The following LHFPL6 variants were observed in gnomAD, a reference collection of about 807,000 sequenced individuals.
The protein encoded by LHFPL6 is LHFPL tetraspan subfamily member 6 protein.
A neutral mutation model predicts 20.6 loss-of-function variants in LHFPL6; 9 were observed. The observed-to-expected ratio is 0.44, with a 90% confidence interval of 0.26 to 0.76. The LOEUF (loss-of-function observed/expected upper bound fraction) is 0.76, where lower values mean the gene tolerates loss of function less well. Ranked by LOEUF, LHFPL6 falls within the 30% of genes least tolerant of loss-of-function variation. The pLI is 0.20. For missense variants in LHFPL6, 218 were observed against 253.5 expected, an observed-to-expected ratio of 0.86 and a Z score of 0.95; for synonymous variants, 105 against 98.7, an observed-to-expected ratio of 1.06 and a Z score of -0.38.
chr13:39,501,808 C>A (rs945092217), intron 2 of LHFPL6, among the ~76,000 whole-genome samples: 3 of 152,086 alleles, frequency 2.0e-5, no homozygotes, highest in African/African-American at 7.2e-5. Context: ...AAGAGGCTGG[C>A]CCAGAGCGAA....
In LHFPL6 at chr13:39,343,873, G is replaced by T; in HGVS notation, c.*63C>A. 8.1e-7 allele frequency: 1 copy of T among 1,238,812 alleles called. No individual in the cohort carries two copies. Among genetic ancestry groups the T allele is most frequent in the Non-Finnish European group, 1.2e-6 (1 of 852,990 alleles). 76.7% of individuals were successfully genotyped at this position (1,238,812 alleles called of 1,614,324 possible). The stretch of plus-strand genomic sequence containing the variant: ...TCCCACCTTTTGAAGGTAGGTGGAT[G>T]TTTTGACCTCTCCAAGCCCCTTTGG... On this transcript the variant is annotated 3_prime_UTR_variant, in exon 4 of 4. Transcript: ENST00000379589.
chr13:39,347,745 T>A (rs1179673814), intron 3 of LHFPL6, among the ~76,000 whole-genome samples: 1 of 152,180 alleles, frequency 6.6e-6, no homozygotes, highest in Non-Finnish European at 1.5e-5. Context: ...TTTAGCTAGA[T>A]TAAATACACC....
Position 39,366,010 on chromosome 13 carries a change from C to T in LHFPL6, c.484+12418G>A, listed in dbSNP as rs572380061. On this transcript the variant is annotated intron_variant, in intron 3 of 3. Transcript: ENST00000379589. ...AAGTTCCCCCAAAACCCTTTCTTCC[C>T]TTGAAAACCCTAGGGAATCCTTGCC... 3.3e-5 allele frequency among the ~76,000 whole-genome samples: 5 copies of T among 152,290 alleles called. No homozygotes were observed. The East Asian group carries it at 9.6e-4, about 29-fold the overall frequency.
At chr13:39,395,623 C>T (rs565321404) in intron 2 of LHFPL6, among the ~76,000 whole-genome samples, 1 of 152,312 alleles carries the variant, frequency 6.6e-6, no homozygotes, top group East Asian at 1.9e-4. Flanking sequence ...AGGGTTTCTG[C>T]TGTGGAGTCA....
In LHFPL6 at chr13:39,569,148, T is replaced by TGGATGGATGGACGGACGGACGGACGGAC. The variant is rs71080313; in HGVS notation, c.385+31683_385+31684insGTCCGTCCGTCCGTCCGTCCATCCATCC. On this transcript the variant is annotated intron_variant, in intron 2 of 3. Coordinates refer to ENST00000379589, the MANE Select transcript of LHFPL6 (RefSeq NM_005780.3). ...AAACACGGATGGATGGATGGATGGA[T>TGGATGGATGGACGGACGGACGGACGGAC]GGACGGACGGATGGATGGATGGATG... Among the ~76,000 whole-genome samples the TGGATGGATGGACGGACGGACGGACGGAC allele has an allele frequency of 1.8e-3, 257 of 144,460 alleles. 1 individual carries two copies. Among genetic ancestry groups the TGGATGGATGGACGGACGGACGGACGGAC allele is most frequent in the Middle Eastern group, 6.9e-3 (2 of 288 alleles). 94.8% of individuals were successfully genotyped at this position (144,460 alleles called of 152,430 possible). A position where few individuals can be genotyped will look rare whatever the true frequency, so the allele number is the denominator to read the frequency against.
intron 2 of LHFPL6, among the ~76,000 whole-genome samples, chr13:39,390,563 T>C (rs1039277322): frequency 7.4e-4 from 112 of 152,144 alleles, no homozygotes; most frequent in African/African-American, 2.6e-3. Flanking sequence ...GGGAAGCAGG[T>C]GAGAGACGAA....
chr13:39,589,866 T>G (rs1222017722), intron 2 of LHFPL6, among the ~76,000 whole-genome samples: 1 of 152,178 alleles, frequency 6.6e-6, no homozygotes, highest in Non-Finnish European at 1.5e-5. Context: ...CTATTACATA[T>G]TACATTATTA....
chr13:39,374,531 T>C (rs1172231583), intron 3 of LHFPL6, among the ~76,000 whole-genome samples: 2 of 149,910 alleles, frequency 1.3e-5, no homozygotes, highest in Non-Finnish European at 3.0e-5. Flanking sequence ...GAATCTAAAA[T>C]AAAAGTTGAA....
chr13:39,553,548 CAA>C (rs997929379), intron 2 of LHFPL6, among the ~76,000 whole-genome samples: 1 of 150,968 alleles, frequency 6.6e-6, no homozygotes, highest in Non-Finnish European at 1.5e-5. Context: ...TTCATCTCTA[CAA>C]AAAAAAATAT....
chr13:39,407,822 A>G (rs1236287055), intron 2 of LHFPL6, among the ~76,000 whole-genome samples: 1 of 152,222 alleles, frequency 6.6e-6, no homozygotes, highest in African/African-American at 2.4e-5. Context: ...CACGTTATAA[A>G]AGTTGACTCA....
At chr13:39,441,292 T>C (rs2138413993) in intron 2 of LHFPL6, among the ~76,000 whole-genome samples, 1 of 151,922 alleles carries the variant, frequency 6.6e-6, no homozygotes, top group East Asian at 1.9e-4. Flanking sequence ...GGCCCCTGCC[T>C]TGTTAAATGC....
intron 2 of LHFPL6, among the ~76,000 whole-genome samples, chr13:39,514,471 G>A (rs1200203909): frequency 6.6e-6 from 1 of 152,196 alleles, no homozygotes; most frequent in African/African-American, 2.4e-5. Context: ...TAGGCAGTAG[G>A]TATTGTACCT....
chr13:39,591,663 G>C (rs1364078956), intron 2 of LHFPL6, among the ~76,000 whole-genome samples: 2 of 152,190 alleles, frequency 1.3e-5, no homozygotes, highest in Admixed American at 1.3e-4. Context: ...TCTGTGTCTA[G>C]AACACGTGGG....
Position 39,583,817 on chromosome 13 carries a change from T to C in LHFPL6, c.385+17015A>G, listed in dbSNP as rs369380542. On this transcript the variant is annotated intron_variant, in intron 2 of 3. Coordinates refer to ENST00000379589, the MANE Select transcript of LHFPL6 (RefSeq NM_005780.3). ...CTGAACAAATCCTCAATGCAAGTCC[T>C]TCTGGCCACTGCCTCCCTCTCCAGC... 8.5e-5 allele frequency among the ~76,000 whole-genome samples: 13 copies of C among 152,306 alleles called. No individual in the cohort carries two copies. In the East Asian group the frequency reaches 2.5e-3, roughly 29 times the overall value.
intron 2 of LHFPL6, among the ~76,000 whole-genome samples, chr13:39,589,153 G>T (rs1872534415): frequency 6.6e-6 from 1 of 151,996 alleles, no homozygotes; most frequent in Non-Finnish European, 1.5e-5. Context: ...CTTGCCCAGG[G>T]TGGAGTGCAG....
intron 3 of LHFPL6, among the ~76,000 whole-genome samples, chr13:39,349,391 G>GA (rs1869499724): frequency 6.6e-6 from 1 of 152,074 alleles, no homozygotes; most frequent in Admixed American, 6.6e-5. Flanking sequence ...AAGCAAATCT[G>GA]AAAAAATACT....
chr13:39,430,346 G>C (rs760434022), intron 2 of LHFPL6, among the ~76,000 whole-genome samples: 2 of 152,166 alleles, frequency 1.3e-5, no homozygotes, highest in Admixed American at 6.5e-5. Context: ...AATTCTGCGA[G>C]GTTTTTCCAG....
At chr13:39,504,918 T>C (rs1376239476) in intron 2 of LHFPL6, among the ~76,000 whole-genome samples, 6 of 152,130 alleles carry the variant, frequency 3.9e-5, no homozygotes, top group Non-Finnish European at 8.8e-5. Flanking sequence ...CTTCCTGAAA[T>C]AAATAAAAAT....
intron 2 of LHFPL6, among the ~76,000 whole-genome samples, chr13:39,554,418 T>C (rs1337244613): frequency 6.6e-6 from 1 of 152,220 alleles, no homozygotes; most frequent in African/African-American, 2.4e-5. Context: ...TGTCAGGACA[T>C]ATCATCCCAT....
Sources: gnomAD v4.1 joint callset for allele counts (sites outside exome capture counted in the v4.1 genomes callset) on GRCh38, gnomAD v4.1.1 for gene constraint, MANE v1.5 for transcripts, NCBI Gene and HGNC (gene_info 2026-07-23, HGNC 2026-07-21) for gene names.